The following SLC15A1 variants were observed in gnomAD, a reference collection of about 807,000 sequenced individuals.
SLC15A1 encodes the protein solute carrier family 15 member 1.
SLC15A1 carries 83 observed loss-of-function variants against 92.9 expected under a neutral mutation model. The observed-to-expected ratio is 0.89, with a 90% CI of 0.75 to 1.07. The LOEUF (loss-of-function observed/expected upper bound fraction) is 1.07. SLC15A1 is among the 50% of genes least tolerant of loss of function. The probability of loss-of-function intolerance (pLI) is 0.00; values close to 1 mark genes in which losing one functional copy is unlikely to be tolerated. For synonymous variants in SLC15A1, 322 were observed against 318.2 expected, an observed-to-expected ratio of 1.01 and a Z score of -0.13; for missense variants, 857 against 880.1, an observed-to-expected ratio of 0.97 and a Z score of 0.33.
chr13:98,750,137 A>G (rs1594015149), intron 1 of SLC15A1, among the ~76,000 whole-genome samples: 2 of 150,198 alleles, frequency 1.3e-5, no homozygotes. Context: ...TTTGAGACGG[A>G]GTTTCACTCT....
rs573326008 is a variant in SLC15A1 at position 98,720,051 on chromosome 13, G to A, written c.557-731C>T. ...GAAATCCTTTCTATGGAATGCTGGCGCCTCCAGGCATGATCTGCTGCTATC... is the reference window on the plus strand; with the variant it reads ...GAAATCCTTTCTATGGAATGCTGGCACCTCCAGGCATGATCTGCTGCTATC... On this transcript the variant is annotated intron_variant, in intron 7 of 22. Transcript: ENST00000376503. 5.3e-5 allele frequency among the ~76,000 whole-genome samples: 8 copies of A among 152,266 alleles called. No individual in the cohort carries two copies. The South Asian group carries it at 1.0e-3, about 20-fold the overall frequency.
chr13:98,729,587 A>G (rs1306110486), intron 1 of SLC15A1, among the ~76,000 whole-genome samples: 1 of 152,190 alleles, frequency 6.6e-6, no homozygotes, highest in African/African-American at 2.4e-5. Context: ...CAGAGCAGAC[A>G]CCGAATACAG....
intron 14 of SLC15A1, among the ~76,000 whole-genome samples, chr13:98,709,026 G>C (rs1277127938): frequency 2.0e-5 from 3 of 148,122 alleles, no homozygotes; most frequent in Non-Finnish European, 4.4e-5. Context: ...GGAGTGCAGT[G>C]GCACAATCTC....
At chr13:98,720,925 G>A (rs1166921124) in intron 7 of SLC15A1, 32 of 351,316 alleles carry the variant, frequency 9.1e-5, no homozygotes, top group South Asian at 4.0e-4. Flanking sequence ...GGTGGCAGGC[G>A]CCTGTTGTCC....
chr13:98,742,132 C>T (rs1032517501), intron 1 of SLC15A1, among the ~76,000 whole-genome samples: 1 of 152,158 alleles, frequency 6.6e-6, no homozygotes, highest in African/African-American at 2.4e-5. Flanking sequence ...ATGGGAAGGC[C>T]GTGAGGGGCT....
At chr13:98,688,616 G>A in intron 18 of SLC15A1, 39 bp from the exon 19 acceptor site, 1 of 1,438,578 alleles carries the variant, frequency 7.0e-7, no homozygotes, top group Non-Finnish European at 9.8e-7. Flanking sequence ...CTGAACTAGA[G>A]AATAATATAT....
At chr13:98,699,675 A>G (rs2088051902) in intron 18 of SLC15A1, among the ~76,000 whole-genome samples, 1 of 152,220 alleles carries the variant, frequency 6.6e-6, no homozygotes, top group South Asian at 2.1e-4. Context: ...GTTTACCTGT[A>G]TAAGAAACTG....
intron 1 of SLC15A1, among the ~76,000 whole-genome samples, chr13:98,751,189 A>G (rs1430917792): frequency 6.6e-6 from 1 of 152,134 alleles, no homozygotes; most frequent in Non-Finnish European, 1.5e-5. Context: ...CGGTTTTTGC[A>G]TATCAACTTT....
At position 98,693,765 on chromosome 13, in the gene SLC15A1, G is replaced by A. The variant is rs192663643; in HGVS notation, c.1467-5188C>T. 2.6e-3 allele frequency among the ~76,000 whole-genome samples: 403 copies of A among 152,156 alleles called. 1 individual carries two copies. The highest frequency in any genetic ancestry group is 5.1e-3 in the Non-Finnish European group (344 of 68,000). On this transcript the variant is annotated intron_variant, in intron 18 of 22. Coordinates refer to ENST00000376503, the MANE Select transcript of SLC15A1 (RefSeq NM_005073.4). The stretch of plus-strand genomic sequence containing the variant: ...CCTTTTTTTGTCACTTGTGGTTTTG[G>A]TTTTCTTCTATAAATTTCATTGTTT...
chr13:98,731,403 C>T (rs148645121), intron 1 of SLC15A1, among the ~76,000 whole-genome samples: 11 of 152,324 alleles, frequency 7.2e-5, no homozygotes, highest in African/African-American at 2.6e-4. Context: ...TAGTGCCGTG[C>T]GTTCTTGAGG....
intron 14 of SLC15A1, 56 bp from the exon 15 acceptor site, chr13:98,708,823 T>G (rs2088136821): frequency 7.3e-7 from 1 of 1,366,494 alleles, no homozygotes; most frequent in Admixed American, 2.3e-5. Flanking sequence ...TGAGCTAAGC[T>G]AAACCCCCAC....
intron 1 of SLC15A1, among the ~76,000 whole-genome samples, chr13:98,747,335 A>T (rs1159528742): frequency 1.3e-5 from 2 of 152,110 alleles, no homozygotes; most frequent in Admixed American, 6.5e-5. Flanking sequence ...CATCCTGCAA[A>T]GCATAGAATC....
At chr13:98,691,449 A>G (rs909268556) in intron 18 of SLC15A1, among the ~76,000 whole-genome samples, 2 of 152,234 alleles carry the variant, frequency 1.3e-5, no homozygotes, top group African/African-American at 4.8e-5. Flanking sequence ...TAATGCTGCA[A>G]TGAACATGCA....
At chr13:98,695,007 T>A (rs1421946031) in intron 18 of SLC15A1, among the ~76,000 whole-genome samples, 2 of 110,346 alleles carry the variant, frequency 1.8e-5, no homozygotes, top group Non-Finnish European at 3.4e-5. Flanking sequence ...GGTGACAGAG[T>A]GAGACTCCGT....
chr13:98,712,646 A>G, intron 9 of SLC15A1, 62 bp from the exon 10 acceptor site: 4 of 1,227,272 alleles, frequency 3.3e-6, no homozygotes, highest in Non-Finnish European at 3.6e-6. Flanking sequence ...AGGGAAGCAC[A>G]TTTCAATTAA....
chr13:98,738,418 G>A (rs1313807731), intron 1 of SLC15A1, among the ~76,000 whole-genome samples: 1 of 152,274 alleles, frequency 6.6e-6, no homozygotes, highest in East Asian at 1.9e-4. Context: ...TCCCATCACA[G>A]GGCCCAGAGG....
Position 98,711,842 on chromosome 13 carries a change from G to T in SLC15A1, c.900+12C>A, listed in dbSNP as rs751470833. 2.0e-5 allele frequency: 32 copies of T among 1,603,258 alleles called. No homozygotes were observed. The highest frequency in any genetic ancestry group is 2.6e-5 in the Non-Finnish European group (30 of 1,170,260). Reference sequence around the variant, plus strand: ...CTCCGTGAAGAAGAGCACAAGCAGAGTTTCACATTACCTGCTGGTCAAACA... The same window carrying T: ...CTCCGTGAAGAAGAGCACAAGCAGATTTTCACATTACCTGCTGGTCAAACA... On this transcript the variant is annotated intron_variant, in intron 11 of 22. Coordinates refer to ENST00000376503, the MANE Select transcript of SLC15A1 (RefSeq NM_005073.4).
chr13:98,687,108 C>G (rs562173637), intron 21 of SLC15A1, among the ~76,000 whole-genome samples: 1 of 152,010 alleles, frequency 6.6e-6, no homozygotes, highest in African/African-American at 2.4e-5. Flanking sequence ...CTACCATGCT[C>G]AGCTAATGTG....
At chr13:98,731,591 G>A (rs368540314) in intron 1 of SLC15A1, among the ~76,000 whole-genome samples, 113 of 152,282 alleles carry the variant, frequency 7.4e-4, no homozygotes, top group African/African-American at 2.6e-3. Context: ...CCAGCAGAGA[G>A]AGCCCGGGGC....
Sources: allele counts gnomAD v4.1 joint callset (sites outside exome capture counted in the v4.1 genomes callset), GRCh38; gene constraint gnomAD v4.1.1; transcripts MANE v1.5; gene names NCBI Gene and HGNC (gene_info 2026-07-23, HGNC 2026-07-21).